Variants in BTRC observed in about 807,000 individuals in gnomAD.
The protein encoded by BTRC is beta-transducin repeat containing E3 ubiquitin protein ligase, also known as F-box/WD repeat-containing protein 1A.
In BTRC, 42 loss-of-function variants were observed where a neutral mutation model predicts 85.5. The observed-to-expected ratio is 0.49, with a 90% CI of 0.38 to 0.64. The LOEUF is 0.64. BTRC is among the 30% of genes least tolerant of loss of function. BTRC has a pLI of 0.00. For synonymous variants in BTRC, 255 were observed against 263.3 expected (o/e 0.97, Z 0.30); for missense variants, 594 against 743.5 (o/e 0.80, Z 2.34).
intron 1 of BTRC, among the ~76,000 whole-genome samples, chr10:101,369,468 G>A (rs1942570668): frequency 6.6e-6 from 1 of 151,914 alleles, no homozygotes; most frequent in African/African-American, 2.4e-5. Context: ...TCTGTTTTTT[G>A]GTGTCATTGA....
chr10:101,387,278 A>G (rs1662441672), intron 1 of BTRC, among the ~76,000 whole-genome samples: 1 of 151,644 alleles, frequency 6.6e-6, no homozygotes, highest in Admixed American at 6.6e-5. Context: ...TAGTGATCAG[A>G]TTAGTAATTA....
At chr10:101,456,018 A>ACACACACACACACAC (rs60361192) in intron 2 of BTRC, among the ~76,000 whole-genome samples, 48 of 150,166 alleles carry the variant, frequency 3.2e-4, no homozygotes, top group South Asian at 6.4e-4. Flanking sequence ...ACACACACAC[A>ACACACACACACACAC]AAATTAGCTG....
chr10:101,381,073 G>T (rs1476120736), intron 1 of BTRC, among the ~76,000 whole-genome samples: 1 of 152,052 alleles, frequency 6.6e-6, no homozygotes, highest in South Asian at 2.1e-4. Context: ...TGAAGTGTCA[G>T]GGGGTGCATG....
intron 1 of BTRC, among the ~76,000 whole-genome samples, chr10:101,366,998 A>ATATATT (rs1942463970): frequency 1.4e-5 from 1 of 72,368 alleles, no homozygotes; most frequent in African/African-American, 5.7e-5. Context: ...ATATATTAAT[A>ATATATT]TATATATTTA....
intron 4 of BTRC, among the ~76,000 whole-genome samples, chr10:101,486,681 G>A (rs1050188340): frequency 6.6e-6 from 1 of 152,094 alleles, no homozygotes; most frequent in South Asian, 2.1e-4. Flanking sequence ...GTTCAGGCAG[G>A]GTTTAGCTAA....
chr10:101,375,030 G>A (rs1942753070), intron 1 of BTRC, among the ~76,000 whole-genome samples: 1 of 152,156 alleles, frequency 6.6e-6, no homozygotes, highest in Non-Finnish European at 1.5e-5. Context: ...AAATTGACTA[G>A]GTGTCTGTTG....
Position 101,526,205 on chromosome 10 carries a change from C to A in BTRC, c.743+6C>A. The A allele has an allele frequency of 6.2e-7, 1 of 1,612,280 alleles. No homozygotes were observed. Among genetic ancestry groups the A allele is most frequent in the South Asian group, 1.1e-5 (1 of 90,830 alleles). The stretch of plus-strand genomic sequence containing the variant: ...CTGGCAGAACGAAGAGGATGGTGAG[C>A]CTTTAACTTTTCTTACTCTTATACG... On this transcript the variant is annotated splice_donor_region_variant and intron_variant, in intron 6 of 14. Coordinates refer to ENST00000370187, the MANE Select transcript of BTRC (RefSeq NM_033637.4).
chr10:101,486,463 T>C (rs1589536319), intron 4 of BTRC, among the ~76,000 whole-genome samples: 1 of 148,546 alleles, frequency 6.7e-6, no homozygotes, highest in African/African-American at 2.5e-5. Context: ...AAAGTGGCCA[T>C]TAAAAGGGGA....
chr10:101,388,330 TTTTTA>T (rs149229640), intron 1 of BTRC, among the ~76,000 whole-genome samples: 102,478 of 148,126 alleles, frequency 0.69, 35,994 homozygotes, highest in East Asian at 0.81. Flanking sequence ...ACCCAGCTAA[TTTTTA>T]TTTTATTTTA....
intron 1 of BTRC, among the ~76,000 whole-genome samples, chr10:101,387,225 AGT>A (rs1191166282): frequency 1.3e-5 from 2 of 151,762 alleles, no homozygotes; most frequent in African/African-American, 2.4e-5. Flanking sequence ...TAACATAATA[AGT>A]GTACATATTT....
intron 4 of BTRC, among the ~76,000 whole-genome samples, chr10:101,481,314 T>G (rs549019819): frequency 2.6e-3 from 388 of 151,254 alleles, no homozygotes; most frequent in Non-Finnish European, 4.1e-3. Context: ...TTTAAAAATA[T>G]TCTTTCTTTC....
chr10:101,380,139 C>A (rs1011407267), intron 1 of BTRC, among the ~76,000 whole-genome samples: 12 of 152,058 alleles, frequency 7.9e-5, no homozygotes, highest in African/African-American at 2.7e-4. Context: ...GAAAACAAGA[C>A]CTGGTTTTCA....
intron 7 of BTRC, 27 bp from the exon 8 acceptor site, chr10:101,532,268 T>A: frequency 6.3e-7 from 1 of 1,596,810 alleles, no homozygotes. Flanking sequence ...TTCCTAACAC[T>A]GCCTCTTTCC....
chr10:101,374,533 C>CA (rs1479866547), intron 1 of BTRC, among the ~76,000 whole-genome samples: 1 of 144,518 alleles, frequency 6.9e-6, no homozygotes, highest in Admixed American at 7.1e-5. Context: ...ATCGCAAGAA[C>CA]AAAAAACCAA....
At chr10:101,413,378 A>G (rs568292266) in intron 1 of BTRC, among the ~76,000 whole-genome samples, 7 of 152,208 alleles carry the variant, frequency 4.6e-5, no homozygotes, top group East Asian at 3.9e-4. Flanking sequence ...CAGTGGTGCA[A>G]TCTCGGCTCA....
intron 1 of BTRC, among the ~76,000 whole-genome samples, chr10:101,427,074 C>G (rs901210114): frequency 2.0e-5 from 3 of 151,590 alleles, no homozygotes; most frequent in Admixed American, 6.6e-5. Context: ...GAAACTTAAC[C>G]AATTGCGTAT....
At chr10:101,384,391 A>G (rs894215604) in intron 1 of BTRC, among the ~76,000 whole-genome samples, 10 of 152,328 alleles carry the variant, frequency 6.6e-5, no homozygotes, top group Admixed American at 6.5e-4. Context: ...TCACGCCCTG[A>G]TTAGTGCCAG....
intron 2 of BTRC, among the ~76,000 whole-genome samples, chr10:101,446,325 T>C (rs924792941): frequency 6.6e-6 from 1 of 152,116 alleles, no homozygotes; most frequent in Non-Finnish European, 1.5e-5. Context: ...TATTGTGAGG[T>C]TGTCTTTGGT....
chr10:101,427,228 C>T (rs1015922194), intron 1 of BTRC, among the ~76,000 whole-genome samples: 8 of 150,440 alleles, frequency 5.3e-5, no homozygotes, highest in African/African-American at 1.7e-4. Flanking sequence ...AGCGATTCTC[C>T]TGCCTCAGCC....
Sources: gnomAD v4.1 joint callset for allele counts (sites outside exome capture counted in the v4.1 genomes callset) on GRCh38, gnomAD v4.1.1 for gene constraint, MANE v1.5 for transcripts, NCBI Gene and HGNC (gene_info 2026-07-23, HGNC 2026-07-21) for gene names.